MYO5B: variants seen among roughly 807,000 people sequenced by gnomAD.
MYO5B encodes myosin VB.
A neutral mutation model predicts 229.3 loss-of-function variants in MYO5B; 143 were observed. The ratio of observed to expected loss-of-function variants is 0.62; its 90% CI spans 0.54 to 0.72. The LOEUF (loss-of-function observed/expected upper bound fraction) is 0.72, where lower values mean the gene tolerates loss of function less well. MYO5B is among the 30% of genes least tolerant of loss of function. The pLI is 0.00. For synonymous variants in MYO5B, 918 were observed against 885.2 expected (o/e 1.04, Z -0.66); for missense variants, 2,321 against 2,331.0 (o/e 1.00, Z 0.09).
chr18:49,874,043 A>C (rs2024487900), intron 26 of MYO5B, among the ~76,000 whole-genome samples: 1 of 152,124 alleles, frequency 6.6e-6, no homozygotes, highest in Non-Finnish European at 1.5e-5. Flanking sequence ...CAAGAACTTG[A>C]CCTCCAAAAG....
chr18:50,084,543 G>T (rs1161322061), intron 1 of MYO5B, among the ~76,000 whole-genome samples: 2 of 152,118 alleles, frequency 1.3e-5, no homozygotes, highest in Non-Finnish European at 2.9e-5. Context: ...GCCAAATCTC[G>T]ACATTTGCTC....
At chr18:49,852,915 A>C (rs2024218305) in intron 31 of MYO5B, among the ~76,000 whole-genome samples, 1 of 152,098 alleles carries the variant, frequency 6.6e-6, no homozygotes, top group Admixed American at 6.5e-5. Flanking sequence ...TGCTTCCCCT[A>C]CTGACCAATC....
At position 49,836,713 on chromosome 18, in the gene MYO5B, G is replaced by C. The variant is rs1186428023; in HGVS notation, c.5311C>G (p.Gln1771Glu). 1.2e-6 allele frequency: 2 copies of C among 1,613,978 alleles called. No homozygotes were observed. Among genetic ancestry groups the C allele is most frequent in the South Asian group, 2.2e-5 (2 of 91,080 alleles). ...ACAGAGGTGCAAAGTGACTGTACCT[G>C]CTGGGTGCTGAGGGAGGTACACAGG... ...CSLCTSLSTQ[Q>E]IVKILNLYTP... The change falls in exon 38 of 40, where the codon CAG (glutamine) becomes GAG (glutamate). Residue 1771 changes from glutamine to glutamate, a missense_variant and splice_region_variant. Transcript: ENST00000285039.
intron 22 of MYO5B, among the ~76,000 whole-genome samples, chr18:49,891,928 C>A (rs182968646): frequency 5.3e-5 from 8 of 152,342 alleles, no homozygotes; most frequent in African/African-American, 1.9e-4. Context: ...CTCACAAGGA[C>A]CAGGGACCCC....
At position 49,879,013 on chromosome 18, in the gene MYO5B, G is replaced by A. The variant is rs748990242; in HGVS notation, c.3208C>T (p.Leu1070Phe). ...TCCAACTGTGAATATTCCTTCACAA[G>A]GTTCTGGTACCGGGATCGCTCCTCC... is the stretch of plus-strand genomic sequence containing the variant. The part of the protein sequence containing the change: ...LEEERSRYQN[L>F]VKEYSQLEQR... Residue 1070 changes from leucine (L) to phenylalanine (F), a missense_variant, in exon 24 of 40, where the codon CTT (leucine) becomes TTT (phenylalanine). Physicochemically the swap from Leu to Phe is conservative, Grantham distance 22. Transcript: ENST00000285039. 7 of 1,613,374 alleles carry A rather than the reference G, an allele frequency of 4.3e-6. No homozygotes were observed. In the African/African-American group the frequency reaches 5.4e-5, roughly 12 times the overall value.
intron 3 of MYO5B, 141 bp downstream of exon 3, chr18:50,040,002 T>C: frequency 1.1e-6 from 1 of 949,166 alleles, no homozygotes; most frequent in Non-Finnish European, 1.7e-6. Context: ...ATTCACTGAT[T>C]GCAAACCTTT....
At position 49,894,991 on chromosome 18, in the gene MYO5B, G is replaced by T. The variant is rs755870645; in HGVS notation, c.2995C>A (p.Arg999Ser). 2.5e-6 allele frequency: 4 copies of T among 1,613,604 alleles called. No homozygotes were observed. The Admixed American group carries it at 5.0e-5, about 20-fold the overall frequency. Residue 999 changes from arginine to serine, a missense_variant, in exon 22 of 40, where the codon CGC becomes AGC. Arg to Ser is a moderately radical substitution (Grantham distance 110). Transcript: ENST00000285039. ...RTELQRAHSE[R>S]KILEDAHSRE... ...CTGTGGGCGTCCTCCAAGATCTTGC[G>T]CTCCGAGTGGGCCCTCTGCAGCTCT...
At chr18:49,887,786 T>A (rs1188973396) in intron 22 of MYO5B, among the ~76,000 whole-genome samples, 1 of 152,140 alleles carries the variant, frequency 6.6e-6, no homozygotes, top group African/African-American at 2.4e-5. Flanking sequence ...GTTCAAGCAA[T>A]TCTCCTGCCT....
intron 32 of MYO5B, 59 bp from the exon 33 acceptor site, chr18:49,847,348 AGCGGGCATCTCTG>A (rs1276032367): frequency 6.3e-7 from 1 of 1,585,360 alleles, no homozygotes; most frequent in Non-Finnish European, 8.6e-7. Flanking sequence ...GCCTGAGGGT[AGCGGGCATCTCTG>A]GCGGGTGGAG....
intron 1 of MYO5B, among the ~76,000 whole-genome samples, chr18:50,138,971 C>T (rs1015829559): frequency 1.6e-4 from 25 of 152,156 alleles, no homozygotes; most frequent in African/African-American, 5.3e-4. Flanking sequence ...TGCCTCTCTT[C>T]CCATTTTCCC....
intron 7 of MYO5B, among the ~76,000 whole-genome samples, chr18:49,986,972 T>A (rs1340652427): frequency 6.6e-6 from 1 of 152,230 alleles, no homozygotes; most frequent in Non-Finnish European, 1.5e-5. Flanking sequence ...TAACTCATCA[T>A]CAAGTGTCAG....
intron 12 of MYO5B, among the ~76,000 whole-genome samples, chr18:49,961,469 T>C (rs1225794881): frequency 1.5e-4 from 23 of 152,194 alleles, no homozygotes; most frequent in Admixed American, 1.4e-3. Context: ...TACCAAACCA[T>C]CAAGCCACAC....
rs575589623 is a variant in MYO5B, at chr18:50,056,899, C to T, written c.28-1521G>A. ...CAACCACTTTGCATCCTTGACATCC[C>T]AACTCAGGGTACAAGCCAAAGTCAT... On this transcript the variant is annotated intron_variant, in intron 1 of 39. Coordinates refer to ENST00000285039, the MANE Select transcript of MYO5B (RefSeq NM_001080467.3). Among the ~76,000 whole-genome samples, 6 of 152,252 alleles carry T rather than the reference C, an allele frequency of 3.9e-5. No homozygotes were observed. The South Asian group carries it at 6.2e-4, about 16-fold the overall frequency.
chr18:49,971,896 T>C (rs973307743), intron 10 of MYO5B, among the ~76,000 whole-genome samples: 4 of 152,092 alleles, frequency 2.6e-5, no homozygotes, highest in Non-Finnish European at 5.9e-5. Context: ...TATGACAACT[T>C]TATAACAAAA....
At chr18:50,072,171 T>C (rs748965047) in intron 1 of MYO5B, among the ~76,000 whole-genome samples, 39 of 152,132 alleles carry the variant, frequency 2.6e-4, no homozygotes, top group Non-Finnish European at 4.6e-4. Context: ...GGACACTCTG[T>C]GGTTGCCCAG....
chr18:50,170,960 C>T lies in MYO5B; in HGVS notation c.27+23807G>A, dbSNP rs2144333022. Reference sequence around the variant, plus strand: ...CATTGGTTTCAGAAGTGAAGAGCTGCAAAATCCCGTTACCCCGTGGTGAAC... The same window carrying T: ...CATTGGTTTCAGAAGTGAAGAGCTGTAAAATCCCGTTACCCCGTGGTGAAC... On this transcript the variant is annotated intron_variant, in intron 1 of 39. Transcript: ENST00000285039. Among the ~76,000 whole-genome samples the T allele has an allele frequency of 2.3e-5, 3 of 127,750 alleles. 1 individual carries two copies. The highest frequency in any genetic ancestry group is 8.3e-3 in the Middle Eastern group (2 of 242). 83.8% of individuals were successfully genotyped at this position (127,750 alleles called of 152,430 possible).
chr18:49,899,742 G>T (rs949621424), intron 21 of MYO5B, among the ~76,000 whole-genome samples: 1 of 152,182 alleles, frequency 6.6e-6, no homozygotes, highest in African/African-American at 2.4e-5. Flanking sequence ...GTTAATACGT[G>T]AGAAGAGCAC....
chr18:50,090,992 G>T (rs75458599), intron 1 of MYO5B, among the ~76,000 whole-genome samples: 1 of 152,176 alleles, frequency 6.6e-6, no homozygotes, highest in Non-Finnish European at 1.5e-5. Flanking sequence ...ATAGTGACAT[G>T]TTTCTATGAA....
chr18:49,948,961 C>G (rs2025403840), intron 14 of MYO5B, among the ~76,000 whole-genome samples: 1 of 152,178 alleles, frequency 6.6e-6, no homozygotes, highest in Non-Finnish European at 1.5e-5. Context: ...CTCTGAGATT[C>G]AGAGGTGGAT....
Sources: gnomAD v4.1 joint callset for allele counts (sites outside exome capture counted in the v4.1 genomes callset) on GRCh38, gnomAD v4.1.1 for gene constraint, MANE v1.5 for transcripts, NCBI Gene and HGNC (gene_info 2026-07-23, HGNC 2026-07-21) for gene names.